Variants in ELK4 observed in about 807,000 individuals in gnomAD.
ELK4 encodes ETS transcription factor ELK4, also known as ETS domain-containing protein Elk-4.
ELK4 carries 16 observed loss-of-function variants against 29.6 expected under a neutral mutation model. That is an observed-to-expected ratio of 0.54 (90% CI 0.37 to 0.82). ELK4 has a LOEUF of 0.82. Among genes scored for constraint, ELK4 ranks in the 40% least tolerant of loss-of-function variants. ELK4 has a pLI of 0.00. For synonymous variants in ELK4, 213 were observed against 191.1 expected, an observed-to-expected ratio of 1.11 and a Z score of -0.95; for missense variants, 465 against 507.1, an observed-to-expected ratio of 0.92 and a Z score of 0.80.
chr1:205,627,150 TGCGGGGAAGAGAA>T (rs1202292905), intron 1 of ELK4, among the ~76,000 whole-genome samples: 1 of 152,106 alleles, frequency 6.6e-6, no homozygotes, highest in Non-Finnish European at 1.5e-5. Context: ...GGGGCTAAAA[TGCGGGGAAGAGAA>T]GTGGGGAATG....
At position 205,608,530 on chromosome 1, in the gene ELK4, T is replaced by C. The variant is rs145604148; in HGVS notation, c.*8016A>G. 366 of 198,872 alleles carry C rather than the reference T, an allele frequency of 1.8e-3. 1 individual carries two copies. Among genetic ancestry groups the C allele is most frequent in the African/African-American group, 8.0e-3 (349 of 43,428 alleles). The allele number at this position is 198,872 out of a possible 1,614,324, so 12.3% of individuals were successfully genotyped here. ...ATCAACTAACATGAAGTTTAATAAA[T>C]GTTAGCAGTGACCATTTTAATTGCT... On this transcript the variant is annotated 3_prime_UTR_variant, in exon 5 of 5. Coordinates refer to ENST00000357992, the MANE Select transcript of ELK4 (RefSeq NM_001973.4).
chr1:205,617,965 A>ATG (rs71773934), intron 4 of ELK4, among the ~76,000 whole-genome samples: 2,072 of 147,590 alleles, frequency 0.014, 44 homozygotes, highest in African/African-American at 0.043. Context: ...TCCCCCATAT[A>ATG]TGTGTGTGTG....
chr1:205,623,954 GTCA>G, intron 1 of ELK4, 63 bp from the exon 2 acceptor site: 1 of 1,435,268 alleles, frequency 7.0e-7, no homozygotes, highest in Non-Finnish European at 9.8e-7. Context: ...AACACTGTAT[GTCA>G]TGCACTGTTT....
chr1:205,619,434 G>A (rs1670289429), intron 3 of ELK4: 1 of 1,061,978 alleles, frequency 9.4e-7, no homozygotes, highest in Non-Finnish European at 1.1e-6. Flanking sequence ...CTGAATTCAG[G>A]TACAGAGGAA....
chr1:205,612,424 T>C lies in ELK4; in HGVS notation c.*4122A>G, dbSNP rs1031997348. The C allele has an allele frequency of 9.2e-6, 2 of 216,734 alleles. No individual in the cohort carries two copies. The highest frequency in any genetic ancestry group is 2.3e-5 in the African/African-American group (1 of 44,434). 13.4% of individuals were successfully genotyped at this position (216,734 alleles called of 1,614,324 possible). On this transcript the variant is annotated 3_prime_UTR_variant, in exon 5 of 5. Transcript: ENST00000357992. ...CTTTTTATGCCATCCTTCACTTCAATTTTTGTGTATTTTTTTATAACACAC... is the reference window on the plus strand; with the variant it reads ...CTTTTTATGCCATCCTTCACTTCAACTTTTGTGTATTTTTTTATAACACAC...
In ELK4 at chr1:205,629,912, G is replaced by A. The variant is rs536187047; in HGVS notation, c.-10+1720C>T. Among the ~76,000 whole-genome samples the A allele has an allele frequency of 2.6e-5, 4 of 151,928 alleles. No individual in the cohort carries two copies. In the South Asian group the frequency reaches 8.3e-4, roughly 32 times the overall value. ...TACCAAAAATACAAAAAATTAGCCGGGTATGGTAGTGCGTGACTACTCGGG... is the reference window on the plus strand; with the variant it reads ...TACCAAAAATACAAAAAATTAGCCGAGTATGGTAGTGCGTGACTACTCGGG... On this transcript the variant is annotated intron_variant, in intron 1 of 4. Transcript: ENST00000357992.
intron 2 of ELK4, 29 bp downstream of exon 2, chr1:205,623,647 G>A (rs777408401): frequency 8.1e-6 from 13 of 1,609,928 alleles, no homozygotes; most frequent in South Asian, 2.2e-5. Flanking sequence ...GAGGTTCTCT[G>A]TATAGTATAA....
At chr1:205,617,208 G>A (rs894186136) in intron 4 of ELK4, among the ~76,000 whole-genome samples, 1 of 152,086 alleles carries the variant, frequency 6.6e-6, no homozygotes, top group Non-Finnish European at 1.5e-5. Context: ...AAAAAAATAT[G>A]AAAAATTCTC....
In ELK4 at chr1:205,624,214, G is replaced by A. The variant is rs151256228; in HGVS notation, c.-9-323C>T. On this transcript the variant is annotated intron_variant, in intron 1 of 4. Coordinates refer to ENST00000357992, the MANE Select transcript of ELK4 (RefSeq NM_001973.4). ...GCAACTTGCAAGGAGGATAAAGCTAGTTCCCTAAATTATAGGAAAAAACAA... is the reference window on the plus strand; with the variant it reads ...GCAACTTGCAAGGAGGATAAAGCTAATTCCCTAAATTATAGGAAAAAACAA... Among the ~76,000 whole-genome samples, 22 of 152,316 alleles carry A rather than the reference G, an allele frequency of 1.4e-4. 1 individual carries two copies. The highest frequency in any genetic ancestry group is 4.6e-4 in the African/African-American group (19 of 41,566).
At chr1:205,625,973 G>A (rs922505602) in intron 1 of ELK4, 59 of 1,110,550 alleles carry the variant, frequency 5.3e-5, no homozygotes, top group Middle Eastern at 5.8e-4. Flanking sequence ...CACTGCGCCC[G>A]GCCCAGTTCT....
At chr1:205,629,985 ACAC>A (rs139417552) in intron 1 of ELK4, among the ~76,000 whole-genome samples, 1,759 of 152,122 alleles carry the variant, frequency 0.012, 45 homozygotes, top group African/African-American at 0.04. Flanking sequence ...CAGTGAGCAG[ACAC>A]CACATCACTG....
Position 205,620,478 on chromosome 1 carries a change from T to G in ELK4, c.568A>C (p.Lys190Gln), listed in dbSNP as rs1251908927. ...SPQEPTPSVI[K>Q]FVTTPSKKPP... Reference sequence around the variant, plus strand: ...TTTTTGGAAGGTGTCGTGACAAATTTGATGACAGATGGTGTGGGCTCCTGA... The same window carrying G: ...TTTTTGGAAGGTGTCGTGACAAATTGGATGACAGATGGTGTGGGCTCCTGA... The change falls in exon 3 of 5, where the codon AAA (lysine) becomes CAA (glutamine). Residue 190 changes from lysine (K) to glutamine (Q), a missense_variant. By Grantham distance (53) the Lys-to-Gln change is moderately conservative. Transcript: ENST00000357992. 1.2e-6 allele frequency: 2 copies of G among 1,614,088 alleles called. No individual in the cohort carries two copies. The highest frequency in any genetic ancestry group is 1.7e-6 in the Non-Finnish European group (2 of 1,180,052).
chr1:205,619,687 CGA>C (rs1670296084), intron 3 of ELK4: 12 of 1,412,814 alleles, frequency 8.5e-6, no homozygotes, highest in Admixed American at 3.2e-5. Context: ...CGAGAGAGAG[CGA>C]GAGAGTGTGT....
intron 4 of ELK4, among the ~76,000 whole-genome samples, chr1:205,617,078 C>G (rs1257124880): frequency 6.6e-6 from 1 of 152,166 alleles, no homozygotes; most frequent in African/African-American, 2.4e-5. Flanking sequence ...GGTTCCCCAT[C>G]AAGTATTCTG....
chr1:205,622,527 G>C (rs1670370926), intron 2 of ELK4, among the ~76,000 whole-genome samples: 1 of 151,964 alleles, frequency 6.6e-6, no homozygotes, highest in African/African-American at 2.4e-5. Context: ...CTGGGCACTG[G>C]GACTACAGGT....
chr1:205,618,717 G>A (rs1014934419), intron 4 of ELK4, among the ~76,000 whole-genome samples: 4 of 152,234 alleles, frequency 2.6e-5, no homozygotes, highest in Non-Finnish European at 5.9e-5. Context: ...TAGCTACTCC[G>A]GAGGCTGAGG....
chr1:205,619,131 G>A, intron 3 of ELK4, 58 bp from the exon 4 acceptor site: 1 of 1,383,626 alleles, frequency 7.2e-7, no homozygotes, highest in Non-Finnish European at 9.7e-7. Context: ...TTTTATCCTT[G>A]AAACAGCACA....
intron 4 of ELK4, 21 bp from the exon 5 acceptor site, chr1:205,616,665 C>A (rs1189846777): frequency 6.2e-6 from 10 of 1,601,862 alleles, no homozygotes; most frequent in Non-Finnish European, 7.7e-6. Flanking sequence ...AAACAAAACA[C>A]ATTATCATCC....
chr1:205,617,454 GA>G (rs1335941037), intron 4 of ELK4, among the ~76,000 whole-genome samples: 2 of 152,046 alleles, frequency 1.3e-5, no homozygotes, highest in African/African-American at 4.8e-5. Context: ...AACCCATTAG[GA>G]ATGGCAAGAA....
Sources: gnomAD v4.1 joint callset for allele counts (sites outside exome capture counted in the v4.1 genomes callset) on GRCh38, gnomAD v4.1.1 for gene constraint, MANE v1.5 for transcripts, NCBI Gene and HGNC (gene_info 2026-07-23, HGNC 2026-07-21) for gene names.